OXCT1: variants seen among roughly 807,000 people sequenced by gnomAD.
OXCT1 encodes the protein 3-oxoacid CoA-transferase 1, also known as succinyl-CoA:3-ketoacid coenzyme A transferase 1, mitochondrial.
In OXCT1, 27 loss-of-function variants were observed where a neutral mutation model predicts 69.6. The ratio of observed to expected loss-of-function variants is 0.39; its 90% CI spans 0.29 to 0.54. The LOEUF (loss-of-function observed/expected upper bound fraction) is 0.54. OXCT1 is among the 20% of genes least tolerant of loss of function. The pLI, the probability that OXCT1 is intolerant of heterozygous loss-of-function variation, is 0.72. For missense variants in OXCT1, 437 were observed against 650.2 expected, an observed-to-expected ratio of 0.67 and a Z score of 3.57; for synonymous variants, 202 against 217.8, an observed-to-expected ratio of 0.93 and a Z score of 0.64.
In OXCT1 at chr5:41,841,209, A is replaced by G. The variant is rs563952790; in HGVS notation, c.672-698T>C. On this transcript the variant is annotated intron_variant, in intron 6 of 16. Transcript: ENST00000196371. Reference sequence around the variant, plus strand: ...ACATATTTTTTGTCTCTGGGAATATACGTTGATGGCAGAATTTCTTTGGTA... The same window carrying G: ...ACATATTTTTTGTCTCTGGGAATATGCGTTGATGGCAGAATTTCTTTGGTA... Among the ~76,000 whole-genome samples, 6 of 152,290 alleles carry G rather than the reference A, an allele frequency of 3.9e-5. No individual in the cohort carries two copies. The South Asian group carries it at 1.2e-3, about 32-fold the overall frequency.
At chr5:41,843,389 T>C (rs1748740219) in intron 5 of OXCT1, among the ~76,000 whole-genome samples, 2 of 152,160 alleles carry the variant, frequency 1.3e-5, no homozygotes, top group South Asian at 4.1e-4. Context: ...AAAGCTTTAT[T>C]TTTTTTCTTA....
chr5:41,766,322 C>T (rs1005705348), intron 13 of OXCT1, among the ~76,000 whole-genome samples: 1 of 152,002 alleles, frequency 6.6e-6, no homozygotes, highest in African/African-American at 2.4e-5. Flanking sequence ...TTCAAGTATC[C>T]TCAATTCACA....
intron 15 of OXCT1, among the ~76,000 whole-genome samples, chr5:41,745,319 T>C (rs1023599092): frequency 1.3e-5 from 2 of 151,860 alleles, no homozygotes; most frequent in African/African-American, 4.8e-5. Context: ...CATAACGAAA[T>C]GAAGGCAGAA....
chr5:41,866,022 A>ACCC (rs61504704), intron 1 of OXCT1, among the ~76,000 whole-genome samples: 1,219 of 116,230 alleles, frequency 0.01, 55 homozygotes, highest in Non-Finnish European at 0.016. Flanking sequence ...TGTACAGTAG[A>ACCC]CCCCCCCCCC....
chr5:41,841,953 G>A (rs528796972), intron 6 of OXCT1, among the ~76,000 whole-genome samples: 5 of 152,262 alleles, frequency 3.3e-5, no homozygotes, highest in African/African-American at 9.6e-5. Flanking sequence ...TTAATCGAAA[G>A]CAGCAAATGA....
At chr5:41,785,703 T>C (rs895825959) in intron 13 of OXCT1, among the ~76,000 whole-genome samples, 3 of 152,148 alleles carry the variant, frequency 2.0e-5, no homozygotes, top group African/African-American at 7.2e-5. Flanking sequence ...AAGTAGAATT[T>C]ACAAAGGAAA....
At chr5:41,738,343 C>T (rs1488910941) in intron 16 of OXCT1, among the ~76,000 whole-genome samples, 7 of 152,108 alleles carry the variant, frequency 4.6e-5, no homozygotes, top group Admixed American at 1.3e-4. Flanking sequence ...CCTTGTGTCA[C>T]GGGAGGGACC....
chr5:41,780,592 A>AT (rs1243837132), intron 13 of OXCT1, among the ~76,000 whole-genome samples: 9 of 152,178 alleles, frequency 5.9e-5, no homozygotes, highest in Admixed American at 1.3e-4. Flanking sequence ...GTGTCTAAGA[A>AT]TTTTTTTAAA....
intron 5 of OXCT1, among the ~76,000 whole-genome samples, chr5:41,846,038 TC>T (rs1374922966): frequency 6.6e-6 from 1 of 152,082 alleles, no homozygotes; most frequent in Non-Finnish European, 1.5e-5. Flanking sequence ...TCAGTTTAAA[TC>T]CCCCTGCATT....
intron 3 of OXCT1, among the ~76,000 whole-genome samples, chr5:41,855,510 C>A (rs1404880151): frequency 2.0e-5 from 3 of 152,216 alleles, no homozygotes; most frequent in Non-Finnish European, 4.4e-5. Flanking sequence ...TTTACAATCT[C>A]TCCCTCCTAA....
intron 13 of OXCT1, among the ~76,000 whole-genome samples, chr5:41,780,422 C>G (rs931979195): frequency 6.6e-6 from 1 of 152,140 alleles, no homozygotes; most frequent in African/African-American, 2.4e-5. Flanking sequence ...TAAAGGCAAA[C>G]TGTTAGAACA....
At chr5:41,802,638 G>A (rs1295158528) in intron 10 of OXCT1, among the ~76,000 whole-genome samples, 1 of 151,936 alleles carries the variant, frequency 6.6e-6, no homozygotes, top group Admixed American at 6.6e-5. Context: ...ATTTAACATA[G>A]AACTATTGAC....
intron 6 of OXCT1, among the ~76,000 whole-genome samples, chr5:41,841,621 C>A (rs1561120907): frequency 6.6e-6 from 1 of 152,174 alleles, no homozygotes; most frequent in Non-Finnish European, 1.5e-5. Context: ...AATACCAGAG[C>A]CAGGCACTGC....
chr5:41,853,412 T>A lies in OXCT1; in HGVS notation c.414+7A>T. The stretch of plus-strand genomic sequence containing the variant: ...TAGTATTATAAAAGAAAAGCAAATT[T>A]TCTCACCTGTGGTGTCAGCTCCACT... On this transcript the variant is annotated splice_region_variant and intron_variant, in intron 4 of 16. Coordinates refer to ENST00000196371, the MANE Select transcript of OXCT1 (RefSeq NM_000436.4). The A allele has an allele frequency of 6.2e-7, 1 of 1,612,830 alleles. No individual in the cohort carries two copies. The highest frequency in any genetic ancestry group is 1.3e-5 in the African/African-American group (1 of 74,886).
intron 13 of OXCT1, among the ~76,000 whole-genome samples, chr5:41,769,706 G>A (rs1291031931): frequency 6.6e-6 from 1 of 152,050 alleles, no homozygotes; most frequent in Admixed American, 6.6e-5. Context: ...GGTCGACAGA[G>A]AGAAACCGTG....
Position 41,850,010 on chromosome 5 carries a change from T to C in OXCT1, c.564+20A>G, listed in dbSNP as rs764360075. 6.2e-7 allele frequency: 1 copy of C among 1,613,274 alleles called. No homozygotes were observed. Among genetic ancestry groups the C allele is most frequent in the South Asian group, 1.1e-5 (1 of 91,068 alleles). On this transcript the variant is annotated intron_variant, in intron 5 of 16. Transcript: ENST00000196371. ...TGGAAAGAGGGATCCTGGTATAATC[T>C]GGTTAAGAGTGTTTCTTACCTCTCT...
In OXCT1 at chr5:41,761,013, T is replaced by C. The variant is rs79574526; in HGVS notation, c.1338+1098A>G. Among the ~76,000 whole-genome samples, 1,421 of 152,240 alleles carry C rather than the reference T, an allele frequency of 9.3e-3. 23 individuals carry two copies. Among genetic ancestry groups the C allele is most frequent in the African/African-American group, 0.03 (1,228 of 41,558 alleles). Reference sequence around the variant, plus strand: ...AAAAGAGGGCAAATGAACTGTCATTTCCACTCAGATTAGCAGGTCTCAAAG... The same window carrying C: ...AAAAGAGGGCAAATGAACTGTCATTCCCACTCAGATTAGCAGGTCTCAAAG... On this transcript the variant is annotated intron_variant, in intron 14 of 16. Coordinates refer to ENST00000196371, the MANE Select transcript of OXCT1 (RefSeq NM_000436.4).
intron 2 of OXCT1, 102 bp from the exon 3 acceptor site, chr5:41,861,506 ATT>A (rs1236450848): frequency 1.4e-5 from 11 of 797,692 alleles, no homozygotes; most frequent in Non-Finnish European, 2.0e-5. Flanking sequence ...AACAAAGCAC[ATT>A]ATTAGATCTA....
intron 11 of OXCT1, among the ~76,000 whole-genome samples, chr5:41,796,508 T>A (rs890884790): frequency 6.6e-6 from 1 of 152,208 alleles, no homozygotes; most frequent in African/African-American, 2.4e-5. Flanking sequence ...AGTTATATCC[T>A]CAGATTCTCA....
Sources: gnomAD v4.1 joint callset for allele counts (sites outside exome capture counted in the v4.1 genomes callset) on GRCh38, gnomAD v4.1.1 for gene constraint, MANE v1.5 for transcripts, NCBI Gene and HGNC (gene_info 2026-07-23, HGNC 2026-07-21) for gene names.